Variants in CNTN1 observed in about 807,000 individuals in gnomAD.
CNTN1 encodes contactin-1.
CNTN1 carries 38 observed loss-of-function variants against 126.4 expected under a neutral mutation model. The observed-to-expected ratio is 0.30, with a 90% CI of 0.23 to 0.39. The LOEUF (loss-of-function observed/expected upper bound fraction) is 0.39, where lower values mean the gene tolerates loss of function less well. Ranked by LOEUF, CNTN1 falls within the 10% of genes least tolerant of loss-of-function variation. The pLI, the probability that CNTN1 is intolerant of heterozygous loss-of-function variation, is 1.00. For missense variants in CNTN1, 1,009 were observed against 1,248.4 expected, an observed-to-expected ratio of 0.81 and a Z score of 2.89; for synonymous variants, 413 against 422.6, an observed-to-expected ratio of 0.98 and a Z score of 0.28.
At chr12:40,878,008 T>A (rs969965053) in intron 1 of CNTN1, among the ~76,000 whole-genome samples, 5 of 122,108 alleles carry the variant, frequency 4.1e-5, no homozygotes, top group African/African-American at 1.2e-4. Context: ...TTTTTTTTTT[T>A]TTTTTTGAGA....
Position 40,801,010 on chromosome 12 carries a change from G to GTTTTTTT in CNTN1, c.-76-107343_-76-107342insTTTTTTT, listed in dbSNP as rs35813803. Among the ~76,000 whole-genome samples, 15 of 142,788 alleles carry GTTTTTTT rather than the reference G, an allele frequency of 1.1e-4. 1 individual carries two copies. The highest frequency in any genetic ancestry group is 2.2e-4 in the South Asian group (1 of 4,596). The allele number at this position is 142,788 out of a possible 152,430, so 93.7% of individuals were successfully genotyped here. On this transcript the variant is annotated intron_variant, in intron 1 of 23. Transcript: ENST00000551295. Reference sequence around the variant, plus strand: ...GTGGGTAACAGCAGGTCAAACTAGAGTTTTGTTTTTTTTTTTTTTAAGATA... The same window carrying GTTTTTTT: ...GTGGGTAACAGCAGGTCAAACTAGAGTTTTTTTTTTTGTTTTTTTTTTTTTTAAGATA...
At chr12:40,950,205 A>G (rs10879400) in intron 14 of CNTN1, among the ~76,000 whole-genome samples, 17,763 of 151,540 alleles carry the variant, frequency 0.12, 1,097 homozygotes, top group Non-Finnish European at 0.12. Context: ...AAAACCTAGT[A>G]TTATCTGGCC....
intron 15 of CNTN1, among the ~76,000 whole-genome samples, chr12:40,966,830 TATAAGG>T (rs1947324354): frequency 6.6e-6 from 1 of 152,124 alleles, no homozygotes; most frequent in Non-Finnish European, 1.5e-5. Context: ...AAACTTAAAA[TATAAGG>T]ATAAGAAGAT....
At chr12:40,702,715 C>T (rs1941633938) in intron 1 of CNTN1, among the ~76,000 whole-genome samples, 1 of 152,172 alleles carries the variant, frequency 6.6e-6, no homozygotes, top group African/African-American at 2.4e-5. Context: ...GAATTGCAGG[C>T]ATGAGACACT....
At chr12:40,845,320 G>C (rs775089907) in intron 1 of CNTN1, among the ~76,000 whole-genome samples, 1 of 152,080 alleles carries the variant, frequency 6.6e-6, no homozygotes, top group East Asian at 1.9e-4. Flanking sequence ...ATATATAATA[G>C]ATACTAAATG....
At chr12:40,829,209 G>A (rs959943335) in intron 1 of CNTN1, among the ~76,000 whole-genome samples, 1 of 151,952 alleles carries the variant, frequency 6.6e-6, no homozygotes, top group African/African-American at 2.4e-5. Flanking sequence ...CACTAGATAA[G>A]TAAAATTCTT....
chr12:40,918,399 G>A (rs1185206376), intron 3 of CNTN1, among the ~76,000 whole-genome samples: 1 of 152,122 alleles, frequency 6.6e-6, no homozygotes, highest in South Asian at 2.1e-4. Context: ...TGGGGAAGTG[G>A]AAAGTAGTTA....
chr12:41,047,467 G>T (rs1353993788), intron 23 of CNTN1, among the ~76,000 whole-genome samples: 1 of 151,948 alleles, frequency 6.6e-6, no homozygotes, highest in Non-Finnish European at 1.5e-5. Flanking sequence ...CATACCCCTT[G>T]AAGGCTGCAC....
At chr12:40,707,273 G>A (rs1390407800) in intron 1 of CNTN1, among the ~76,000 whole-genome samples, 2 of 101,900 alleles carry the variant, frequency 2.0e-5, no homozygotes, top group African/African-American at 9.1e-5. Flanking sequence ...TTTTGAGACG[G>A]AGTCTCGCTC....
At chr12:40,781,172 C>T (rs574147148) in intron 1 of CNTN1, among the ~76,000 whole-genome samples, 2 of 151,878 alleles carry the variant, frequency 1.3e-5, no homozygotes, top group African/African-American at 2.4e-5. Context: ...CTATATTAGA[C>T]CTTCAAAGCC....
intron 1 of CNTN1, among the ~76,000 whole-genome samples, chr12:40,809,849 C>CACACACAA (rs1306559063): frequency 3.5e-5 from 5 of 141,934 alleles, no homozygotes; most frequent in Admixed American, 1.4e-4. Flanking sequence ...CACACACACA[C>CACACACAA]AAAAGTCAAA....
At chr12:40,729,664 C>A in intron 1 of CNTN1, 1 of 213,700 alleles carries the variant, frequency 4.7e-6, no homozygotes, top group South Asian at 8.5e-5. Flanking sequence ...ATACAGCTCC[C>A]AATGCACTCC....
At position 41,071,248 on chromosome 12, in the gene CNTN1, C is replaced by G. The variant is rs957487846; in HGVS notation, c.*1213C>G. On this transcript the variant is annotated 3_prime_UTR_variant, in exon 24 of 24. Transcript: ENST00000551295. ...AAATAATATGTCTTTCCGATGGTGTCTCCCAAGTGTTGGTGCTTTGGGTTT... is the reference window on the plus strand; with the variant it reads ...AAATAATATGTCTTTCCGATGGTGTGTCCCAAGTGTTGGTGCTTTGGGTTT... 5 of 152,108 alleles carry G rather than the reference C, an allele frequency of 3.3e-5. No homozygotes were observed. Among genetic ancestry groups the G allele is most frequent in the Non-Finnish European group, 5.9e-5 (4 of 68,010 alleles). The allele number at this position is 152,108 out of a possible 1,614,324, so 9.4% of individuals were successfully genotyped here.
At chr12:40,987,744 T>A (rs893161808) in intron 16 of CNTN1, among the ~76,000 whole-genome samples, 4 of 152,224 alleles carry the variant, frequency 2.6e-5, no homozygotes, top group Admixed American at 2.6e-4. Context: ...AATAGATATT[T>A]GTAAATTAAA....
At chr12:40,800,351 T>A (rs1270501427) in intron 1 of CNTN1, among the ~76,000 whole-genome samples, 1 of 152,018 alleles carries the variant, frequency 6.6e-6, no homozygotes, top group Non-Finnish European at 1.5e-5. Context: ...TAAAATTTTT[T>A]ATTTTATAAA....
At chr12:40,971,353 G>A in intron 15 of CNTN1, 3 of 1,225,068 alleles carry the variant, frequency 2.4e-6, no homozygotes, top group African/African-American at 3.0e-5. Context: ...AGGAAATAGG[G>A]CAAATCCCCC....
At chr12:40,944,589 T>C (rs1946372438) in intron 14 of CNTN1, among the ~76,000 whole-genome samples, 1 of 152,018 alleles carries the variant, frequency 6.6e-6, no homozygotes, top group Non-Finnish European at 1.5e-5. Context: ...GACAAAATTA[T>C]ATATGTTGGA....
At chr12:41,053,428 A>AACATAT (rs71434344) in intron 23 of CNTN1, among the ~76,000 whole-genome samples, 41 of 64,116 alleles carry the variant, frequency 6.4e-4, no homozygotes, top group Non-Finnish European at 1.1e-3. Context: ...GTTTTCACTA[A>AACATAT]ATATATATAT....
intron 1 of CNTN1, among the ~76,000 whole-genome samples, chr12:40,788,535 T>G (rs1940111312): frequency 6.6e-6 from 1 of 151,958 alleles, no homozygotes; most frequent in Non-Finnish European, 1.5e-5. Context: ...GCAGCCTCAG[T>G]CAAGAACAGA....
Sources: allele counts gnomAD v4.1 joint callset (sites outside exome capture counted in the v4.1 genomes callset), GRCh38; gene constraint gnomAD v4.1.1; transcripts MANE v1.5; gene names NCBI Gene and HGNC (gene_info 2026-07-23, HGNC 2026-07-21).